The following GTPBP4 variants were observed in gnomAD, a reference collection of about 807,000 sequenced individuals.
The protein encoded by GTPBP4 is GTP-binding protein 4.
In GTPBP4, 15 loss-of-function variants were observed where a neutral mutation model predicts 81.7. That is an observed-to-expected ratio of 0.18 (90% CI 0.12 to 0.28). The LOEUF (loss-of-function observed/expected upper bound fraction) is 0.28, where lower values mean the gene tolerates loss of function less well. Among genes scored for constraint, GTPBP4 ranks in the 10% least tolerant of loss-of-function variants. GTPBP4 has a pLI of 1.00. For synonymous variants in GTPBP4, 272 were observed against 274.6 expected (o/e 0.99, Z 0.09); for missense variants, 847 against 793.8 (o/e 1.07, Z -0.81).
chr10:1,001,682 GTTTTT>G (rs35451774), intron 8 of GTPBP4, among the ~76,000 whole-genome samples: 1 of 142,076 alleles, frequency 7.0e-6, no homozygotes, highest in African/African-American at 2.6e-5. Flanking sequence ...CTCATGGGTG[GTTTTT>G]TTTTTTTTTT....
chr10:991,856 C>T (rs1221575464), intron 1 of GTPBP4, among the ~76,000 whole-genome samples: 1 of 148,718 alleles, frequency 6.7e-6, no homozygotes, highest in Non-Finnish European at 1.5e-5. Context: ...CTACCACGCC[C>T]GGCTAATTTT....
At position 1,017,455 on chromosome 10, in the gene GTPBP4, G is replaced by C; in HGVS notation, c.*228G>C. The stretch of plus-strand genomic sequence containing the variant: ...GTAGACAGTGTTTCCACATTTAATG[G>C]AGTATCAGTTGCTTCAGATTTTCAG... On this transcript the variant is annotated 3_prime_UTR_variant, in exon 17 of 17. Coordinates refer to ENST00000360803, the MANE Select transcript of GTPBP4 (RefSeq NM_012341.3). The C allele has an allele frequency of 2.6e-6, 1 of 383,438 alleles. No homozygotes were observed. The highest frequency in any genetic ancestry group is 4.6e-6 in the Non-Finnish European group (1 of 215,720). The allele number at this position is 383,438 out of a possible 1,614,324, so 23.8% of individuals were successfully genotyped here.
intron 13 of GTPBP4, among the ~76,000 whole-genome samples, chr10:1,011,022 C>A (rs1305778537): frequency 2.7e-5 from 3 of 110,216 alleles, no homozygotes; most frequent in Non-Finnish European, 3.9e-5. Context: ...TGTGTCTCCG[C>A]CAGGCCCTGG....
Position 1,014,263 on chromosome 10 carries a change from T to C in GTPBP4, c.1559T>C (p.Leu520Ser). The part of the protein sequence containing the change: ...RTAKKVQRTV[L>S]EKEMRSLGVD... ...CCTTCTCAGGTTCAGAGGACAGTTT[T>C]GGAGAAGGAGATGCGTAGTCTTGGT... The change falls in exon 15 of 17, where the codon TTG (leucine) becomes TCG (serine). Residue 520 changes from leucine (L) to serine (S), a missense_variant. Transcript: ENST00000360803. 6.2e-7 allele frequency: 1 copy of C among 1,603,786 alleles called. No individual in the cohort carries two copies. The highest frequency in any genetic ancestry group is 1.1e-5 in the South Asian group (1 of 90,868).
At chr10:995,291 C>T (rs547955395) in intron 2 of GTPBP4, among the ~76,000 whole-genome samples, 2 of 152,274 alleles carry the variant, frequency 1.3e-5, no homozygotes, top group African/African-American at 4.8e-5. Flanking sequence ...GGGTCAGACT[C>T]TCCACCTAGA....
rs1041259976 is a variant in GTPBP4 at position 998,504 on chromosome 10, C to T, written c.562-499C>T. Among the ~76,000 whole-genome samples, 6 of 152,346 alleles carry T rather than the reference C, an allele frequency of 3.9e-5. No individual in the cohort carries two copies. In the South Asian group the frequency reaches 6.2e-4, roughly 16 times the overall value. On this transcript the variant is annotated intron_variant, in intron 5 of 16. Transcript: ENST00000360803. ...CTCTGCAGGGTCCTTGCTGATTTTT[C>T]AAATGCTTGTCAGCTCTGAACCTGC...
At chr10:1,001,045 A>C (rs1207282674) in intron 8 of GTPBP4, 32 bp downstream of exon 8, 1 of 1,465,876 alleles carries the variant, frequency 6.8e-7, no homozygotes, top group East Asian at 2.3e-5. Context: ...AATATTTCTT[A>C]CTTACCAATT....
chr10:1,005,476 C>CTTGCGTT (rs749254530), intron 8 of GTPBP4, among the ~76,000 whole-genome samples: 2 of 152,106 alleles, frequency 1.3e-5, no homozygotes, highest in African/African-American at 2.4e-5. Flanking sequence ...ATTTCATCGT[C>CTTGCGTT]TTGCGTTTTT....
intron 1 of GTPBP4, among the ~76,000 whole-genome samples, chr10:991,932 T>C (rs1473945885): frequency 6.8e-6 from 1 of 147,962 alleles, no homozygotes; most frequent in Admixed American, 6.7e-5. Context: ...CCTGACCTCG[T>C]GATCCGCCCG....
Position 1,008,979 on chromosome 10 carries a change from G to A in GTPBP4, c.1135G>A (p.Glu379Lys), listed in dbSNP as rs754380525. ...DDKERPPFIPEGVVARRKRME... is the reference protein window; with the variant it reads ...DDKERPPFIPKGVVARRKRME... Reference sequence around the variant, plus strand: ...TCAGGAGAGGCCCCCTTTCATCCCTGAAGGAGTGGTGGCTCGCAGGAAGAG... The same window carrying A: ...TCAGGAGAGGCCCCCTTTCATCCCTAAAGGAGTGGTGGCTCGCAGGAAGAG... The change falls in exon 11 of 17, where the codon GAA becomes AAA. Residue 379 changes from glutamate to lysine, a missense_variant. Glu to Lys is a moderately conservative substitution (Grantham distance 56). Transcript: ENST00000360803. 3 of 1,612,088 alleles carry A rather than the reference G, an allele frequency of 1.9e-6. No individual in the cohort carries two copies. In the African/African-American group the frequency reaches 4.0e-5, roughly 22 times the overall value.
chr10:1,014,563 G>A (rs1366147196), intron 15 of GTPBP4, among the ~76,000 whole-genome samples: 1 of 152,158 alleles, frequency 6.6e-6, no homozygotes, highest in Non-Finnish European at 1.5e-5. Flanking sequence ...GGATGCTGAG[G>A]CAGGAGAATT....
chr10:995,747 C>T (rs1170273847), intron 2 of GTPBP4, among the ~76,000 whole-genome samples, 182 bp from the exon 3 acceptor site: 1 of 152,080 alleles, frequency 6.6e-6, no homozygotes, highest in East Asian at 1.9e-4. Context: ...CTGTCGGCAC[C>T]CGCATCCCTT....
At position 1,012,524 on chromosome 10, in the gene GTPBP4, T is replaced by C. The variant is rs371380047; in HGVS notation, c.1404T>C (p.Ser468=). The C allele has an allele frequency of 2.2e-5, 35 of 1,613,102 alleles. No homozygotes were observed. Among genetic ancestry groups the C allele is most frequent in the Non-Finnish European group, 3.0e-5 (35 of 1,179,124 alleles). The change falls in exon 14 of 17, where the codon AGT becomes AGC. Residue 468 remains serine (S), a synonymous_variant. Transcript: ENST00000360803. The part of the protein sequence containing the change: ...ELRTAAGEYD[S]VSESEDEEML... The stretch of plus-strand genomic sequence containing the variant: ...GAACAGCTGCTGGAGAGTATGACAG[T>C]GTATCTGAGAGTGAAGACGAAGAGA...
At chr10:991,917 G>A (rs1252788915) in intron 1 of GTPBP4, among the ~76,000 whole-genome samples, 2 of 147,182 alleles carry the variant, frequency 1.4e-5, no homozygotes, top group African/African-American at 2.5e-5. Context: ...GGATGGTCTC[G>A]ATCTCCTGAC....
In GTPBP4 at chr10:992,539, T is replaced by C. The variant is rs750008671; in HGVS notation, c.99T>C (p.Val33=). The change falls in exon 2 of 17, where the codon GTT becomes GTC. Residue 33 remains valine, a synonymous_variant. Transcript: ENST00000360803. ...LSKTQRKTPT[V]IHKHYQIHRI... is the part of the protein sequence containing the mutation. ...AGACTCAACGAAAGACTCCAACCGT[T>C]ATTCATAAACATTACCAAATACATC... 6.2e-6 allele frequency: 10 copies of C among 1,605,440 alleles called. No individual in the cohort carries two copies. In the South Asian group the frequency reaches 1.1e-4, roughly 18 times the overall value.
chr10:993,765 C>T (rs1831490501), intron 2 of GTPBP4, among the ~76,000 whole-genome samples: 3 of 151,994 alleles, frequency 2.0e-5, no homozygotes, highest in African/African-American at 4.8e-5. Context: ...GCTTCTGTGA[C>T]AGTACTTCAT....
rs371458948 is a variant in GTPBP4, at chr10:996,259, C to T, written c.460+17C>T. The T allele has an allele frequency of 2.0e-4, 315 of 1,604,612 alleles. No individual in the cohort carries two copies. The highest frequency in any genetic ancestry group is 6.7e-4 in the Admixed American group (39 of 58,214). On this transcript the variant is annotated intron_variant, in intron 4 of 16. Coordinates refer to ENST00000360803, the MANE Select transcript of GTPBP4 (RefSeq NM_012341.3). ...TGGAGCAAGGTGCTTGTCACGCATC[C>T]GCGGGAACCGTGCTAGCATCCTGCT...
Position 1,009,020 on chromosome 10 carries a change from G to C in GTPBP4, c.1176G>C (p.Glu392Asp), listed in dbSNP as rs1172475290. The C allele has an allele frequency of 6.2e-7, 1 of 1,610,968 alleles. No individual in the cohort carries two copies. The highest frequency in any genetic ancestry group is 8.5e-7 in the Non-Finnish European group (1 of 1,177,238). ...GCAGGAAGAGGATGGAAACTGAGGA[G>C]TCCAGGAAGAAGAGGGTATGCTGCC... ...VARRKRMETE[E>D]SRKKRERDLE... Residue 392 changes from glutamate to aspartate, a missense_variant, in exon 11 of 17, where the codon GAG becomes GAC. By Grantham distance (45) the Glu-to-Asp change is conservative. Transcript: ENST00000360803.
chr10:1,000,235 C>CTTTTTTT (rs11331615), intron 6 of GTPBP4, among the ~76,000 whole-genome samples: 12 of 49,298 alleles, frequency 2.4e-4, no homozygotes, highest in African/African-American at 4.6e-4. Context: ...GGGAGACCTA[C>CTTTTTTT]TTTTTTTTTT....
Sources: allele counts gnomAD v4.1 joint callset (sites outside exome capture counted in the v4.1 genomes callset), GRCh38; gene constraint gnomAD v4.1.1; transcripts MANE v1.5; gene names NCBI Gene and HGNC (gene_info 2026-07-23, HGNC 2026-07-21).